Variants in CSMD3 observed in about 807,000 individuals in gnomAD.
The protein encoded by CSMD3 is CUB and Sushi multiple domains 3.
Under a neutral mutation model 435.2 loss-of-function variants are expected in CSMD3, and 177 were observed. The ratio of observed to expected loss-of-function variants is 0.41; its 90% CI spans 0.36 to 0.46. The LOEUF (loss-of-function observed/expected upper bound fraction) is 0.46. CSMD3 is among the 20% of genes least tolerant of loss of function. The pLI is 0.34. For missense variants in CSMD3, 4,265 were observed against 4,504.6 expected, an observed-to-expected ratio of 0.95 and a Z score of 1.52; for synonymous variants, 1,656 against 1,520.5, an observed-to-expected ratio of 1.09 and a Z score of -2.07.
chr8:112,369,275 T>C (rs1480008476), intron 38 of CSMD3, among the ~76,000 whole-genome samples: 1 of 152,110 alleles, frequency 6.6e-6, no homozygotes, highest in African/African-American at 2.4e-5. Flanking sequence ...TTTAAAAATA[T>C]AAACTTTTAG....
At chr8:113,374,163 C>A (rs750449505) in intron 1 of CSMD3, among the ~76,000 whole-genome samples, 4 of 151,694 alleles carry the variant, frequency 2.6e-5, no homozygotes, top group Non-Finnish European at 5.9e-5. Flanking sequence ...ATGCAGAGAA[C>A]AATCATATAT....
At chr8:112,762,302 T>C (rs948992003) in intron 13 of CSMD3, among the ~76,000 whole-genome samples, 1 of 151,996 alleles carries the variant, frequency 6.6e-6, no homozygotes, top group Admixed American at 6.6e-5. Context: ...CTTTTCATTG[T>C]ACATGTATTG....
chr8:112,419,296 C>T (rs1223050908), intron 32 of CSMD3, among the ~76,000 whole-genome samples: 2 of 151,996 alleles, frequency 1.3e-5, no homozygotes, highest in African/African-American at 4.8e-5. Flanking sequence ...CCAATCCTGC[C>T]TTTGAGCAAA....
intron 13 of CSMD3, among the ~76,000 whole-genome samples, chr8:112,741,897 G>A (rs758592072): frequency 1.3e-5 from 2 of 151,712 alleles, no homozygotes; most frequent in Non-Finnish European, 2.9e-5. Flanking sequence ...AGAAACCAGT[G>A]GAAAATGTTA....
At chr8:112,394,298 C>T (rs550034823) in intron 35 of CSMD3, among the ~76,000 whole-genome samples, 35 of 152,120 alleles carry the variant, frequency 2.3e-4, no homozygotes, top group Non-Finnish European at 4.9e-4. Context: ...TCTTCCTATC[C>T]AAATCACACT....
intron 22 of CSMD3, among the ~76,000 whole-genome samples, chr8:112,636,092 C>T (rs926808123): frequency 1.3e-5 from 2 of 152,044 alleles, no homozygotes; most frequent in East Asian, 3.9e-4. Context: ...TTAATATTTT[C>T]TAATTTAAAG....
chr8:112,328,944 T>C (rs1823772196), intron 45 of CSMD3, among the ~76,000 whole-genome samples: 1 of 152,200 alleles, frequency 6.6e-6, no homozygotes. Context: ...AGTGTGAGAA[T>C]GGACTAATAC....
chr8:112,684,075 C>A (rs1359755477), intron 15 of CSMD3, among the ~76,000 whole-genome samples: 2 of 151,686 alleles, frequency 1.3e-5, no homozygotes, highest in East Asian at 3.9e-4. Flanking sequence ...TACTATAGAA[C>A]AGAACCAGGA....
chr8:113,169,186 C>T (rs1418010438), intron 4 of CSMD3, among the ~76,000 whole-genome samples: 3 of 152,116 alleles, frequency 2.0e-5, no homozygotes, highest in African/African-American at 7.2e-5. Context: ...CTTATTTCAT[C>T]AGTCATTTCT....
At chr8:112,533,104 A>T (rs1825698184) in intron 27 of CSMD3, among the ~76,000 whole-genome samples, 2 of 152,110 alleles carry the variant, frequency 1.3e-5, no homozygotes, top group Admixed American at 1.3e-4. Flanking sequence ...ATCACAAAAC[A>T]TAGACTTATA....
intron 1 of CSMD3, among the ~76,000 whole-genome samples, chr8:113,414,641 TGCCC>T (rs2094573832): frequency 8.0e-6 from 1 of 125,786 alleles, no homozygotes; most frequent in Non-Finnish European, 1.6e-5. Flanking sequence ...TTTTCAAATG[TGCCC>T]AAATACAAAA....
chr8:112,724,047 A>G (rs994469924), intron 13 of CSMD3, among the ~76,000 whole-genome samples: 1 of 146,928 alleles, frequency 6.8e-6, no homozygotes, highest in African/African-American at 2.7e-5. Flanking sequence ...AAACAGACAT[A>G]ATAAAATTAT....
chr8:112,951,874 G>T (rs2083827176), intron 8 of CSMD3, among the ~76,000 whole-genome samples: 1 of 147,848 alleles, frequency 6.8e-6, no homozygotes, highest in South Asian at 2.2e-4. Flanking sequence ...GAATTGAGTG[G>T]ATAATATGAA....
intron 5 of CSMD3, among the ~76,000 whole-genome samples, chr8:113,035,620 T>A (rs992342087): frequency 1.3e-5 from 2 of 151,964 alleles, no homozygotes; most frequent in Admixed American, 6.6e-5. Context: ...TGCATAAGAA[T>A]GAAATTTACT....
chr8:112,564,146 T>TC (rs1227050111), intron 24 of CSMD3, among the ~76,000 whole-genome samples: 1 of 151,940 alleles, frequency 6.6e-6, no homozygotes, highest in Non-Finnish European at 1.5e-5. Flanking sequence ...AGGTTATTTT[T>TC]TTTTTTTCTT....
At chr8:113,313,167 C>T (rs1225820273) in intron 2 of CSMD3, 1 of 152,154 alleles carries the variant, frequency 6.6e-6, no homozygotes, top group African/African-American at 2.4e-5. Flanking sequence ...TACCATCTCT[C>T]AGTTTAAACA....
intron 2 of CSMD3, chr8:113,310,051 T>G (rs74669649): frequency 0.026 from 3,895 of 152,270 alleles, 79 homozygotes; most frequent in Middle Eastern, 0.061. Context: ...CAGCCAAACA[T>G]CCAAAGTGAT....
intron 38 of CSMD3, among the ~76,000 whole-genome samples, chr8:112,369,949 G>A (rs183926435): frequency 7.5e-5 from 11 of 147,556 alleles, no homozygotes; most frequent in African/African-American, 2.8e-4. Flanking sequence ...AGAAGAAGAG[G>A]GGGAGGAGGA....
chr8:113,030,234 C>A (rs2087036365), intron 5 of CSMD3, among the ~76,000 whole-genome samples: 1 of 150,438 alleles, frequency 6.6e-6, no homozygotes, highest in Admixed American at 6.6e-5. Flanking sequence ...ATGCAATCCC[C>A]ATCAAATTCC....
Sources: allele counts gnomAD v4.1 joint callset (sites outside exome capture counted in the v4.1 genomes callset), GRCh38; gene constraint gnomAD v4.1.1; transcripts MANE v1.5; gene names NCBI Gene and HGNC (gene_info 2026-07-23, HGNC 2026-07-21).